HOXC5: variants seen among roughly 807,000 people sequenced by gnomAD.
The protein encoded by HOXC5 is homeobox C5.
Under a neutral mutation model 20.1 loss-of-function variants are expected in HOXC5, and 19 were observed. That is an observed-to-expected ratio of 0.94 (90% CI 0.66 to 1.38). HOXC5 has a LOEUF of 1.38. Ranked by LOEUF, HOXC5 falls within the 40% of genes most tolerant of loss-of-function variation. The pLI is 0.00. For synonymous variants in HOXC5, 124 were observed against 117.0 expected, an observed-to-expected ratio of 1.06 and a Z score of -0.39; for missense variants, 330 against 300.1, an observed-to-expected ratio of 1.10 and a Z score of -0.74.
chr12:54,023,695 G>T, the HOXC5 span, among the ~76,000 whole-genome samples: 58 of 152,128 alleles, frequency 3.8e-4, no homozygotes, highest in Non-Finnish European at 6.8e-4. Context: ...ACCCCCAAAT[G>T]ATATCCATTT....
At chr12:54,030,659 A>G (rs1344977617), upstream of HOXC5, 1 of 152,676 alleles carries the variant, frequency 6.5e-6, no homozygotes, top group Non-Finnish European at 1.5e-5. Flanking sequence ...GAAAAAAAAG[A>G]GGGAAAATTA....
At chr12:54,031,609 A>T (rs1940990426), upstream of HOXC5, among the ~76,000 whole-genome samples, 1 of 152,146 alleles carries the variant, frequency 6.6e-6, no homozygotes, top group Non-Finnish European at 1.5e-5. Context: ...GTGGGCCTAC[A>T]GGGAGAGGTG....
At chr12:54,025,076 C>G in the HOXC5 span, among the ~76,000 whole-genome samples, 1 of 152,186 alleles carries the variant, frequency 6.6e-6, no homozygotes, top group Non-Finnish European at 1.5e-5. Flanking sequence ...AGAGCAGTAG[C>G]AAGGAGACCT....
chr12:54,031,182 A>G (rs1456547687), upstream of HOXC5, among the ~76,000 whole-genome samples: 1 of 152,198 alleles, frequency 6.6e-6, no homozygotes, highest in Non-Finnish European at 1.5e-5. Context: ...AGGCGCCCCG[A>G]AAGACCAGTA....
intron 1 of HOXC5, chr12:54,033,838 T>A: frequency 1.9e-6 from 1 of 523,466 alleles, no homozygotes; most frequent in Non-Finnish European, 3.5e-6. Context: ...TAGAGGGATC[T>A]GAAGGGTGAG....
the HOXC5 span, among the ~76,000 whole-genome samples, chr12:54,018,846 C>G: frequency 5.3e-5 from 8 of 152,188 alleles, no homozygotes; most frequent in Non-Finnish European, 8.8e-5. Context: ...CCTCTACCCC[C>G]ACCCTCTCCC....
At chr12:54,021,918 A>C in the HOXC5 span, 2 of 152,390 alleles carry the variant, frequency 1.3e-5, no homozygotes, top group Non-Finnish European at 2.9e-5. Flanking sequence ...CCTTTCCAGC[A>C]ACCCCCTCCT....
At chr12:54,022,148 T>C in the HOXC5 span, 1 of 152,140 alleles carries the variant, frequency 6.6e-6, no homozygotes, top group East Asian at 1.9e-4. Context: ...ATTGAGAAAG[T>C]TGAGCCCACC....
the HOXC5 span, among the ~76,000 whole-genome samples, chr12:54,024,356 C>T: frequency 1.3e-5 from 2 of 152,102 alleles, no homozygotes; most frequent in Non-Finnish European, 2.9e-5. Flanking sequence ...CCCGAGCAGC[C>T]TCAGGAGGCA....
the HOXC5 span, among the ~76,000 whole-genome samples, chr12:54,023,107 CTG>C: frequency 6.6e-6 from 1 of 152,186 alleles, no homozygotes; most frequent in Non-Finnish European, 1.5e-5. Context: ...TCACAGAGAG[CTG>C]TGTCCCCAGG....
At chr12:54,025,340 CTTTTGCCAAAAAAATAAAAT>C in the HOXC5 span, among the ~76,000 whole-genome samples, 1 of 152,048 alleles carries the variant, frequency 6.6e-6, no homozygotes, top group Non-Finnish European at 1.5e-5. Context: ...GACAGCCATT[CTTTTGCCAAAAAAATAAAAT>C]TAACATGAAA....
At chr12:54,023,517 A>C in the HOXC5 span, among the ~76,000 whole-genome samples, 1 of 152,136 alleles carries the variant, frequency 6.6e-6, no homozygotes, top group African/African-American at 2.4e-5. Context: ...GTAGCCTCTC[A>C]ACCTCTTAGC....
chr12:54,019,177 AC>A, the HOXC5 span, among the ~76,000 whole-genome samples: 177 of 55,094 alleles, frequency 3.2e-3, 1 homozygote, highest in African/African-American at 0.01. Context: ...CCCCTCCCCC[AC>A]CCCCCCACCC....
At chr12:54,030,145 CTCTT>C (rs1478777893), upstream of HOXC5, 17 of 580,802 alleles carry the variant, frequency 2.9e-5, no homozygotes, top group Non-Finnish European at 5.1e-5. Flanking sequence ...CCGCACAACT[CTCTT>C]TCACCACGCG....
chr12:54,028,643 G>A (rs1042229259), upstream of HOXC5: 2 of 1,613,928 alleles, frequency 1.2e-6, no homozygotes, highest in African/African-American at 2.7e-5. Flanking sequence ...TCGACCTATG[G>A]AGCGGCCGTT....
chr12:54,025,496 G>A, the HOXC5 span, among the ~76,000 whole-genome samples: 1 of 144,350 alleles, frequency 6.9e-6, no homozygotes, highest in South Asian at 2.4e-4. Context: ...AAAGAAGAGG[G>A]CTTCTTCTTT....
chr12:54,019,874 C>T, the HOXC5 span: 1 of 152,146 alleles, frequency 6.6e-6, no homozygotes, highest in Non-Finnish European at 1.5e-5. Context: ...CTCCCCCACC[C>T]CCATCCTATG....
chr12:54,018,030 T>C, the HOXC5 span, among the ~76,000 whole-genome samples: 1 of 151,818 alleles, frequency 6.6e-6, no homozygotes, highest in Non-Finnish European at 1.5e-5. Context: ...AATTGGCAAT[T>C]AGGGGGGAGG....
the HOXC5 span, among the ~76,000 whole-genome samples, chr12:54,025,566 G>T: frequency 1.3e-5 from 2 of 150,766 alleles, no homozygotes; most frequent in African/African-American, 2.4e-5. Context: ...TTTGCCAAAG[G>T]TCTTTAAGCA....
Sources: allele counts gnomAD v4.1 joint callset (sites outside exome capture counted in the v4.1 genomes callset), GRCh38; gene constraint gnomAD v4.1.1; transcripts MANE v1.5; gene names NCBI Gene and HGNC (gene_info 2026-07-23, HGNC 2026-07-21).